Variants in NEK11 observed in about 807,000 individuals in gnomAD.
The protein encoded by NEK11 is NIMA related kinase 11.
A neutral mutation model predicts 80.7 loss-of-function variants in NEK11; 72 were observed. That is an observed-to-expected ratio of 0.89 (90% CI 0.74 to 1.08). The LOEUF (loss-of-function observed/expected upper bound fraction) is 1.08, where lower values mean the gene tolerates loss of function less well. Ranked by LOEUF, NEK11 falls within the 50% of genes least tolerant of loss-of-function variation. NEK11 has a pLI of 0.00. For missense variants in NEK11, 764 were observed against 763.6 expected (o/e 1.00, Z -0.01); for synonymous variants, 251 against 260.7 (o/e 0.96, Z 0.36).
intron 14 of NEK11, among the ~76,000 whole-genome samples, chr3:131,180,211 A>G (rs1411146438): frequency 6.6e-6 from 1 of 152,178 alleles, no homozygotes; most frequent in Admixed American, 6.5e-5. Context: ...ATGTGGCCCA[A>G]CTTTCCACAA....
At chr3:131,338,485 C>T (rs562803483) in intron 17 of NEK11, among the ~76,000 whole-genome samples, 9 of 152,174 alleles carry the variant, frequency 5.9e-5, no homozygotes, top group African/African-American at 2.2e-4. Context: ...AGAAATTCCA[C>T]TCCTAGGTAT....
At chr3:131,086,959 A>C (rs575955775) in intron 4 of NEK11, among the ~76,000 whole-genome samples, 2 of 152,208 alleles carry the variant, frequency 1.3e-5, no homozygotes, top group South Asian at 4.2e-4. Flanking sequence ...AAATTATTTC[A>C]TTTCTCTGAC....
At chr3:131,230,509 T>C (rs1326148721) in intron 15 of NEK11, among the ~76,000 whole-genome samples, 5 of 152,184 alleles carry the variant, frequency 3.3e-5, no homozygotes, top group Non-Finnish European at 7.3e-5. Context: ...CTTCATGAGA[T>C]ATTAGCTATT....
chr3:131,311,933 T>G (rs1271338096), intron 17 of NEK11, among the ~76,000 whole-genome samples: 1 of 152,224 alleles, frequency 6.6e-6, no homozygotes, highest in Non-Finnish European at 1.5e-5. Context: ...TTTGAATTTA[T>G]TTTTGATTTG....
intron 14 of NEK11, among the ~76,000 whole-genome samples, chr3:131,176,113 G>A (rs1256483982): frequency 2.0e-5 from 3 of 152,168 alleles, no homozygotes; most frequent in African/African-American, 7.2e-5. Flanking sequence ...ATAGTTGGGG[G>A]TGGAGGTGCA....
At chr3:131,309,987 T>TAAAAAAAA (rs558210123) in intron 17 of NEK11, among the ~76,000 whole-genome samples, 3 of 23,308 alleles carry the variant, frequency 1.3e-4, no homozygotes, top group Non-Finnish European at 2.6e-4. Flanking sequence ...AGACCATGTT[T>TAAAAAAAA]AAAAAAAAAA....
In NEK11 at chr3:131,072,792, A is replaced by G. The variant is rs144301035; in HGVS notation, c.171-7631A>G. ...AGGGCAATTTTTTCTCCACTCTTCTACGAGACAGCCCCAGCAGCTTTTATG... is the reference window on the plus strand; with the variant it reads ...AGGGCAATTTTTTCTCCACTCTTCTGCGAGACAGCCCCAGCAGCTTTTATG... On this transcript the variant is annotated intron_variant, in intron 3 of 17. Transcript: ENST00000383366. Among the ~76,000 whole-genome samples the G allele has an allele frequency of 9.4e-3, 1,433 of 152,272 alleles. 20 individuals carry two copies. Among genetic ancestry groups the G allele is most frequent in the African/African-American group, 0.032 (1,317 of 41,556 alleles).
intron 7 of NEK11, among the ~76,000 whole-genome samples, chr3:131,151,683 A>G (rs1279580979): frequency 1.3e-5 from 2 of 151,980 alleles, no homozygotes; most frequent in Non-Finnish European, 2.9e-5. Flanking sequence ...CTAAGCTCAG[A>G]CAGGAATTTC....
chr3:131,248,614 A>G (rs1391453676), intron 16 of NEK11, among the ~76,000 whole-genome samples: 3 of 151,960 alleles, frequency 2.0e-5, no homozygotes, highest in Non-Finnish European at 4.4e-5. Flanking sequence ...AAGCTGGATC[A>G]CAGAGAAACA....
intron 16 of NEK11, among the ~76,000 whole-genome samples, chr3:131,247,489 T>C (rs1231995218): frequency 6.6e-6 from 1 of 152,172 alleles, no homozygotes. Flanking sequence ...TGCCTGTTTT[T>C]ATACCAGTAC....
At chr3:131,202,411 T>C (rs987539906) in intron 14 of NEK11, among the ~76,000 whole-genome samples, 4 of 152,092 alleles carry the variant, frequency 2.6e-5, no homozygotes, top group African/African-American at 7.2e-5. Flanking sequence ...ACTTTTACAA[T>C]GGTCTTAGCA....
chr3:131,190,233 A>T (rs2093742488), intron 14 of NEK11, among the ~76,000 whole-genome samples: 1 of 152,182 alleles, frequency 6.6e-6, no homozygotes, highest in Non-Finnish European at 1.5e-5. Context: ...TGTGCCCGGC[A>T]CTGTCCTGTG....
At chr3:131,192,216 G>T (rs1241497386) in intron 14 of NEK11, among the ~76,000 whole-genome samples, 2 of 152,098 alleles carry the variant, frequency 1.3e-5, no homozygotes, top group Admixed American at 6.6e-5. Context: ...CTAGGAAAAT[G>T]CAGTTAAAAA....
chr3:131,337,359 G>C (rs149646535), intron 17 of NEK11, among the ~76,000 whole-genome samples: 2 of 151,500 alleles, frequency 1.3e-5, no homozygotes, highest in Admixed American at 1.3e-4. Context: ...GTAAACTATC[G>C]CAACGACAAA....
chr3:131,199,888 C>G (rs2094163007), intron 14 of NEK11, among the ~76,000 whole-genome samples: 1 of 152,020 alleles, frequency 6.6e-6, no homozygotes, highest in Non-Finnish European at 1.5e-5. Flanking sequence ...GGGCAAAAGA[C>G]CGGGGAAACA....
intron 16 of NEK11, among the ~76,000 whole-genome samples, chr3:131,251,200 CAA>C (rs770059749): frequency 9.9e-5 from 9 of 90,866 alleles, no homozygotes; most frequent in African/African-American, 1.3e-4. Flanking sequence ...AAGGTAAATA[CAA>C]AAAAAAAAAA....
chr3:131,274,532 A>G (rs935948144), intron 17 of NEK11, among the ~76,000 whole-genome samples: 7 of 151,082 alleles, frequency 4.6e-5, no homozygotes, highest in Non-Finnish European at 1.0e-4. Context: ...AGGAATCGCT[A>G]CACTGACTTC....
At chr3:131,153,671 G>A (rs2090113006) in intron 9 of NEK11, among the ~76,000 whole-genome samples, 1 of 152,256 alleles carries the variant, frequency 6.6e-6, no homozygotes, top group East Asian at 1.9e-4. Flanking sequence ...GGAAGCAAAG[G>A]TGATAAATGA....
chr3:131,298,013 A>G (rs1340617311), intron 17 of NEK11, among the ~76,000 whole-genome samples: 1 of 151,982 alleles, frequency 6.6e-6, no homozygotes, highest in Non-Finnish European at 1.5e-5. Flanking sequence ...GTTCTGTTCC[A>G]TTGATCTATA....
Sources: allele counts gnomAD v4.1 joint callset (sites outside exome capture counted in the v4.1 genomes callset), GRCh38; gene constraint gnomAD v4.1.1; transcripts MANE v1.5; gene names NCBI Gene and HGNC (gene_info 2026-07-23, HGNC 2026-07-21).